Variants in SHANK2 observed in about 807,000 individuals in gnomAD.
SHANK2 encodes SH3 and multiple ankyrin repeat domains 2, also known as SH3 and multiple ankyrin repeat domains protein 2.
SHANK2 carries 43 observed loss-of-function variants against 133.7 expected under a neutral mutation model. The observed-to-expected ratio is 0.32, with a 90% confidence interval of 0.25 to 0.41. The LOEUF (loss-of-function observed/expected upper bound fraction) is 0.41, where lower values mean the gene tolerates loss of function less well. SHANK2 is among the 10% of genes least tolerant of loss of function. The probability of loss-of-function intolerance (pLI) is 1.00; values close to 1 mark genes in which losing one functional copy is unlikely to be tolerated. For missense variants in SHANK2, 1,994 were observed against 2,235.8 expected, an observed-to-expected ratio of 0.89 and a Z score of 2.18; for synonymous variants, 1,017 against 952.8, an observed-to-expected ratio of 1.07 and a Z score of -1.24.
chr11:70,848,805 G>T lies in SHANK2; in HGVS notation c.1175-28123C>A, dbSNP rs548243918. The stretch of plus-strand genomic sequence containing the variant: ...ACCCTCAACTGTGCAGTCTGGCTGT[G>T]ATCTTAATTACAGAATGGGAGAGCC... On this transcript the variant is annotated intron_variant, in intron 11 of 25. Transcript: ENST00000601538. Among the ~76,000 whole-genome samples the T allele has an allele frequency of 3.9e-5, 6 of 152,308 alleles. No individual in the cohort carries two copies. In the East Asian group the frequency reaches 7.7e-4, roughly 20 times the overall value.
At chr11:70,883,607 A>G (rs1590794334) in intron 11 of SHANK2, among the ~76,000 whole-genome samples, 1 of 152,266 alleles carries the variant, frequency 6.6e-6, no homozygotes, top group East Asian at 1.9e-4. Context: ...GGACTCCGGG[A>G]GCCCACCTGA....
intron 17 of SHANK2, among the ~76,000 whole-genome samples, chr11:70,593,938 G>A (rs1422479435): frequency 6.6e-6 from 1 of 152,130 alleles, no homozygotes; most frequent in Non-Finnish European, 1.5e-5. Flanking sequence ...GGACCTGCTG[G>A]TGTCAGATGC....
chr11:71,236,636 A>G (rs1954828950), intron 1 of SHANK2, among the ~76,000 whole-genome samples: 1 of 152,246 alleles, frequency 6.6e-6, no homozygotes, highest in East Asian at 1.9e-4. Flanking sequence ...AGGGTCAGCA[A>G]GAGACCGCCT....
At chr11:70,754,154 C>A (rs1175563550) in intron 14 of SHANK2, among the ~76,000 whole-genome samples, 1 of 152,234 alleles carries the variant, frequency 6.6e-6, no homozygotes, top group Non-Finnish European at 1.5e-5. Context: ...TTCTTGACTC[C>A]AGTGATTTCG....
chr11:70,589,017 C>T (rs546368123), intron 17 of SHANK2, among the ~76,000 whole-genome samples: 8 of 152,328 alleles, frequency 5.3e-5, no homozygotes, highest in Admixed American at 4.6e-4. Context: ...CGGGGTTTCA[C>T]TGTGTTAGCC....
chr11:71,151,839 G>GC (rs1391294724), intron 2 of SHANK2, among the ~76,000 whole-genome samples: 2 of 152,072 alleles, frequency 1.3e-5, no homozygotes, highest in Non-Finnish European at 2.9e-5. Context: ...TGTGTAGGAA[G>GC]CCCCCCCTCA....
intron 7 of SHANK2, among the ~76,000 whole-genome samples, chr11:71,093,470 G>A (rs554379055): frequency 2.0e-5 from 3 of 152,186 alleles, no homozygotes; most frequent in East Asian, 1.9e-4. Context: ...GATGGGTCAT[G>A]GGGGCGGATT....
rs376728121 is a variant in SHANK2 at position 70,882,913 on chromosome 11, G to A, written c.1174+13588C>T. 3.9e-5 allele frequency among the ~76,000 whole-genome samples: 6 copies of A among 152,308 alleles called. No homozygotes were observed. Among genetic ancestry groups the A allele is most frequent in the African/African-American group, 1.4e-4 (6 of 41,572 alleles). ...AGGTGAACAGCAAACTGCAGGGCAG[G>A]CAGGAGGCAGGTGGAGGTGAGGGCG... On this transcript the variant is annotated intron_variant, in intron 11 of 25. Coordinates refer to ENST00000601538, the MANE Select transcript of SHANK2 (RefSeq NM_012309.5). The surrounding 1 kb of genome is among the most constrained non-coding windows in gnomAD (Gnocchi z 4.2).
chr11:71,240,563 A>C (rs929933704), intron 1 of SHANK2, among the ~76,000 whole-genome samples: 2 of 152,190 alleles, frequency 1.3e-5, no homozygotes, highest in Non-Finnish European at 2.9e-5. Context: ...GAAGGTTACA[A>C]ATCCAGGCTG....
intron 17 of SHANK2, among the ~76,000 whole-genome samples, chr11:70,593,940 G>T (rs2060363294): frequency 6.6e-6 from 1 of 152,170 alleles, no homozygotes; most frequent in African/African-American, 2.4e-5. Flanking sequence ...ACCTGCTGGT[G>T]TCAGATGCTG....
At chr11:70,602,326 C>T (rs2060510358) in intron 17 of SHANK2, among the ~76,000 whole-genome samples, 1 of 152,206 alleles carries the variant, frequency 6.6e-6, no homozygotes, top group South Asian at 2.1e-4. Flanking sequence ...ACAAGAAGGG[C>T]CTAATGCAAC....
At chr11:70,603,750 C>T (rs2060532303) in intron 17 of SHANK2, 1 of 152,788 alleles carries the variant, frequency 6.5e-6, no homozygotes, top group African/African-American at 2.4e-5. Context: ...GAGAATCCCA[C>T]AGTCCCCCTT....
intron 2 of SHANK2, among the ~76,000 whole-genome samples, chr11:71,153,377 A>C (rs11232304): frequency 4.0e-5 from 6 of 151,784 alleles, no homozygotes; most frequent in African/African-American, 1.5e-4. Context: ...GCCCTCCTAG[A>C]GTAGCTACTA....
At chr11:70,664,494 C>T (rs563306739) in intron 15 of SHANK2, among the ~76,000 whole-genome samples, 21 of 152,160 alleles carry the variant, frequency 1.4e-4, no homozygotes, top group Admixed American at 2.6e-4. Flanking sequence ...AGGATGATGC[C>T]GAACCCTGGG....
At chr11:70,814,976 A>G (rs912924375) in intron 12 of SHANK2, among the ~76,000 whole-genome samples, 2 of 151,978 alleles carry the variant, frequency 1.3e-5, no homozygotes, top group African/African-American at 2.4e-5. Flanking sequence ...GGATGCCCCC[A>G]CCCCACACAC....
chr11:70,847,560 G>T (rs1949014893), intron 11 of SHANK2, among the ~76,000 whole-genome samples: 1 of 152,328 alleles, frequency 6.6e-6, no homozygotes, highest in South Asian at 2.1e-4. Context: ...ATTTAAAATT[G>T]CTCTGGAACG....
At chr11:70,894,466 C>T (rs1398386414) in intron 11 of SHANK2, among the ~76,000 whole-genome samples, 1 of 152,160 alleles carries the variant, frequency 6.6e-6, no homozygotes, top group African/African-American at 2.4e-5. Flanking sequence ...GGATTACAGG[C>T]GTGAGACACC....
chr11:70,528,325 G>T (rs1554972529), intron 17 of SHANK2, among the ~76,000 whole-genome samples: 1 of 152,148 alleles, frequency 6.6e-6, no homozygotes, highest in Non-Finnish European at 1.5e-5. Flanking sequence ...CCTCAGCAGG[G>T]ATGCAGCCTC....
intron 14 of SHANK2, among the ~76,000 whole-genome samples, chr11:70,719,529 G>GGTGCA (rs1369968082): frequency 6.6e-6 from 1 of 152,056 alleles, no homozygotes; most frequent in Admixed American, 6.5e-5. Flanking sequence ...ATGGTGGAGG[G>GGTGCA]GTGCAGAACC....
Sources: gnomAD v4.1 joint callset for allele counts (sites outside exome capture counted in the v4.1 genomes callset) on GRCh38, gnomAD v4.1.1 for gene constraint, Gnocchi (gnomAD v3.1) non-coding constraint, MANE v1.5 for transcripts, NCBI Gene and HGNC (gene_info 2026-07-23, HGNC 2026-07-21) for gene names.